The following ADAMTS17 variants were observed in gnomAD, a reference collection of about 807,000 sequenced individuals.
ADAMTS17 encodes ADAM metallopeptidase with thrombospondin type 1 motif 17.
A neutral mutation model predicts 141.5 loss-of-function variants in ADAMTS17; 113 were observed. The ratio of observed to expected loss-of-function variants is 0.80; its 90% CI spans 0.69 to 0.93. ADAMTS17 has a LOEUF of 0.93. Ranked by LOEUF, ADAMTS17 falls within the 40% of genes least tolerant of loss-of-function variation. The pLI is 0.00. For synonymous variants in ADAMTS17, 768 were observed against 630.6 expected, an observed-to-expected ratio of 1.22 and a Z score of -3.27; for missense variants, 1,659 against 1,517.9, an observed-to-expected ratio of 1.09 and a Z score of -1.54.
At position 100,054,052 on chromosome 15, in the gene ADAMTS17, G is replaced by A. The variant is rs752192679; in HGVS notation, c.2140C>T (p.Leu714Phe). The change falls in exon 16 of 22, where the codon CTC (leucine) becomes TTC (phenylalanine). Residue 714 changes from leucine (L) to phenylalanine (F), a missense_variant and splice_region_variant. Coordinates refer to ENST00000268070, the MANE Select transcript of ADAMTS17 (RefSeq NM_139057.4). ...ATGGACCCCTTACCCGAGTCTTTGA[G>A]AGCTAGAAAGCAAGTTGAAGACCAA... ...GDFSHARGTA[L>F]KDSGKGSINS... 26 of 1,614,054 alleles carry A rather than the reference G, an allele frequency of 1.6e-5. No individual in the cohort carries two copies. The highest frequency in any genetic ancestry group is 2.2e-5 in the Non-Finnish European group (26 of 1,180,042).
At chr15:100,052,323 G>A (rs1279211473) in intron 16 of ADAMTS17, among the ~76,000 whole-genome samples, 1 of 152,206 alleles carries the variant, frequency 6.6e-6, no homozygotes, top group Non-Finnish European at 1.5e-5. Context: ...CCAGTTTGGG[G>A]ACCATGGCTT....
intron 15 of ADAMTS17, among the ~76,000 whole-genome samples, chr15:100,090,372 A>T (rs573581855): frequency 1.3e-5 from 2 of 152,320 alleles, no homozygotes; most frequent in South Asian, 4.1e-4. Context: ...AAACTTTTGC[A>T]ACTAACAAAC....
At chr15:100,159,677 T>C (rs936268253) in intron 8 of ADAMTS17, among the ~76,000 whole-genome samples, 8 of 152,242 alleles carry the variant, frequency 5.3e-5, no homozygotes, top group African/African-American at 1.9e-4. Context: ...GTCAAATTGC[T>C]ATCTCCAGCC....
chr15:100,061,875 G>A (rs928960138), intron 15 of ADAMTS17, among the ~76,000 whole-genome samples: 6 of 152,342 alleles, frequency 3.9e-5, no homozygotes, highest in African/African-American at 1.2e-4. Context: ...CCCACGGAGG[G>A]CCTCCAGTAC....
In ADAMTS17 at chr15:100,271,531, ATCT is replaced by A. The variant is rs1033255737; in HGVS notation, c.790-9099_790-9097del. ...CCATGTACTTATTGGCTATTTGTAC[ATCT>A]TCTTCGTAAAAATGTCTACCTAAGT... is the stretch of plus-strand genomic sequence containing the variant. On this transcript the variant is annotated intron_variant, in intron 4 of 21. Transcript: ENST00000268070. 1.1e-4 allele frequency among the ~76,000 whole-genome samples: 15 copies of A among 136,042 alleles called. 2 individuals carry two copies. The Admixed American group carries it at 1.2e-3, about 11-fold the overall frequency. 89.2% of individuals were successfully genotyped at this position (136,042 alleles called of 152,430 possible). A position where few individuals can be genotyped will look rare whatever the true frequency, so the allele number is the denominator to read the frequency against.
chr15:100,126,539 G>A (rs189948249), intron 12 of ADAMTS17: 2 of 152,394 alleles, frequency 1.3e-5, no homozygotes, highest in Admixed American at 1.3e-4. Context: ...ACAGGTGACA[G>A]ATAGGCCTCA....
chr15:100,332,542 C>T (rs12324075), intron 2 of ADAMTS17, among the ~76,000 whole-genome samples: 34,199 of 152,190 alleles, frequency 0.22, 3,969 homozygotes, highest in Admixed American at 0.28. Flanking sequence ...GGATCTAGCA[C>T]TTTCAAAGCT....
chr15:100,081,975 T>C (rs1391142953), intron 15 of ADAMTS17, among the ~76,000 whole-genome samples: 2 of 152,250 alleles, frequency 1.3e-5, no homozygotes, highest in Non-Finnish European at 2.9e-5. Flanking sequence ...AATTTGATAA[T>C]ATTTGGACTC....
At chr15:100,006,619 C>T (rs1352198706) in intron 18 of ADAMTS17, among the ~76,000 whole-genome samples, 1 of 152,218 alleles carries the variant, frequency 6.6e-6, no homozygotes, top group Non-Finnish European at 1.5e-5. Context: ...TATTCCAGCA[C>T]AATCTGGGCT....
At chr15:100,107,093 C>A (rs887022335) in intron 14 of ADAMTS17, among the ~76,000 whole-genome samples, 10 of 152,200 alleles carry the variant, frequency 6.6e-5, no homozygotes, top group African/African-American at 2.2e-4. Flanking sequence ...CAGTTTCAGA[C>A]TGATTTGGCC....
At chr15:100,057,812 C>G (rs1017865203) in intron 15 of ADAMTS17, among the ~76,000 whole-genome samples, 5 of 152,132 alleles carry the variant, frequency 3.3e-5, no homozygotes, top group Admixed American at 2.6e-4. Context: ...AAGATGTCCA[C>G]AGAGAGGACA....
intron 9 of ADAMTS17, among the ~76,000 whole-genome samples, chr15:100,152,975 A>AAGAGAATACGTGCCCGGG (rs200941441): frequency 6.6e-6 from 1 of 151,148 alleles, no homozygotes; most frequent in Non-Finnish European, 1.5e-5. Context: ...TTCGCTCTGA[A>AAGAGAATACGTGCCCGGG]GGTAGTAAGA....
chr15:100,103,939 G>C (rs1161931400), intron 14 of ADAMTS17, among the ~76,000 whole-genome samples: 2 of 152,198 alleles, frequency 1.3e-5, no homozygotes, highest in East Asian at 3.9e-4. Context: ...ACAGGTTAAT[G>C]AGACGTACTT....
intron 15 of ADAMTS17, among the ~76,000 whole-genome samples, chr15:100,058,036 C>A (rs369863315): frequency 1.3e-5 from 2 of 151,954 alleles, no homozygotes; most frequent in African/African-American, 4.8e-5. Context: ...TATAAATAGG[C>A]CCCAGATGTT....
chr15:100,328,837 TAG>T (rs1159324686), intron 3 of ADAMTS17, among the ~76,000 whole-genome samples: 2 of 152,134 alleles, frequency 1.3e-5, no homozygotes, highest in African/African-American at 4.8e-5. Flanking sequence ...GACCATGGAC[TAG>T]AGTCTGATGA....
intron 15 of ADAMTS17, among the ~76,000 whole-genome samples, chr15:100,069,095 T>G (rs550415644): frequency 6.6e-6 from 1 of 152,228 alleles, no homozygotes; most frequent in Admixed American, 6.5e-5. Flanking sequence ...ACGTGACGAA[T>G]GCAGAAGCCT....
intron 7 of ADAMTS17, among the ~76,000 whole-genome samples, chr15:100,217,177 A>G (rs1245047143): frequency 1.3e-5 from 2 of 152,216 alleles, no homozygotes; most frequent in African/African-American, 4.8e-5. Context: ...CCAAAATGTC[A>G]TCTCGGACAA....
intron 15 of ADAMTS17, among the ~76,000 whole-genome samples, chr15:100,081,948 A>G (rs2034765931): frequency 6.6e-6 from 1 of 152,268 alleles, no homozygotes; most frequent in African/African-American, 2.4e-5. Flanking sequence ...AAAAATGTCC[A>G]TAACATATAT....
In ADAMTS17 at chr15:100,049,635, C is replaced by T. The variant is rs112282349; in HGVS notation, c.2456-643G>A. On this transcript the variant is annotated intron_variant, in intron 17 of 21. Transcript: ENST00000268070. ...TTCCCAGAGCACCCTAAACACTGCA[C>T]GGCCATGCCTTTGTCACCCTAAATA... Among the ~76,000 whole-genome samples, 7 of 152,266 alleles carry T rather than the reference C, an allele frequency of 4.6e-5. 1 individual carries two copies. Among genetic ancestry groups the T allele is most frequent in the African/African-American group, 1.2e-4 (5 of 41,552 alleles).
Sources: allele counts gnomAD v4.1 joint callset (sites outside exome capture counted in the v4.1 genomes callset), GRCh38; gene constraint gnomAD v4.1.1; transcripts MANE v1.5; gene names NCBI Gene and HGNC (gene_info 2026-07-23, HGNC 2026-07-21).